The following MBNL2 variants were observed in gnomAD, a reference collection of about 807,000 sequenced individuals.
MBNL2 encodes muscleblind like splicing regulator 2.
In MBNL2, 17 loss-of-function variants were observed where a neutral mutation model predicts 41.9. The ratio of observed to expected loss-of-function variants is 0.41; its 90% CI spans 0.28 to 0.61. The LOEUF is 0.61. Among genes scored for constraint, MBNL2 ranks in the 20% least tolerant of loss-of-function variants. MBNL2 has a pLI of 0.35. For synonymous variants in MBNL2, 195 were observed against 182.9 expected (o/e 1.07, Z -0.53); for missense variants, 336 against 505.6 (o/e 0.66, Z 3.22).
At chr13:97,166,915 C>T in the MBNL2 span, among the ~76,000 whole-genome samples, 1 of 151,918 alleles carries the variant, frequency 6.6e-6, no homozygotes. Flanking sequence ...CAGTTCTTTC[C>T]AATTCTGGGT....
chr13:97,288,049 C>T (rs1323077404), intron 2 of MBNL2, among the ~76,000 whole-genome samples: 2 of 151,148 alleles, frequency 1.3e-5, no homozygotes, highest in Non-Finnish European at 2.9e-5. Context: ...GCTGGGATTA[C>T]AGCCATGAGC....
intron 1 of MBNL2, among the ~76,000 whole-genome samples, chr13:97,274,019 C>T (rs373942236): frequency 6.7e-4 from 102 of 152,154 alleles, no homozygotes; most frequent in African/African-American, 2.3e-3. Context: ...CAAGATCACA[C>T]CACTGCACTC....
At chr13:97,177,900 T>C in the MBNL2 span, among the ~76,000 whole-genome samples, 1 of 152,194 alleles carries the variant, frequency 6.6e-6, no homozygotes, top group Admixed American at 6.5e-5. Flanking sequence ...TAGAAAATGA[T>C]TTTCCACCTA....
At chr13:97,181,470 T>A in the MBNL2 span, among the ~76,000 whole-genome samples, 1 of 152,146 alleles carries the variant, frequency 6.6e-6, no homozygotes, top group Non-Finnish European at 1.5e-5. Context: ...CATAGGGAGA[T>A]TTAATGGATG....
chr13:97,367,768 G>A (rs1294944648), intron 8 of MBNL2, among the ~76,000 whole-genome samples: 1 of 152,158 alleles, frequency 6.6e-6, no homozygotes, highest in African/African-American at 2.4e-5. Context: ...TGCAGAGGCA[G>A]GTGTCAATCA....
At chr13:97,189,887 C>T in the MBNL2 span, among the ~76,000 whole-genome samples, 1 of 152,248 alleles carries the variant, frequency 6.6e-6, no homozygotes, top group South Asian at 2.1e-4. Flanking sequence ...GCATGTGCAG[C>T]TGGTGACTCT....
At position 97,366,394 on chromosome 13, in the gene MBNL2, A is replaced by G; in HGVS notation, c.1048+1223A>G. ...GCTCTGATATTCACCATGCCAAAAT[A>G]CCACTTCTATTACCATAATGCTACA... On this transcript the variant is annotated intron_variant, in intron 8 of 8. Coordinates refer to ENST00000679496, the MANE Select transcript of MBNL2 (RefSeq NM_001382683.1). This position sits in a 1 kb window ranked among gnomAD's most constrained non-coding sequence, Gnocchi z 4.7. 1.3e-6 allele frequency: 1 copy of G among 777,318 alleles called. No homozygotes were observed. Among genetic ancestry groups the G allele is most frequent in the Non-Finnish European group, 2.2e-6 (1 of 446,700 alleles). The allele number at this position is 777,318 out of a possible 1,614,324, so 48.2% of individuals were successfully genotyped here.
At chr13:97,387,589 T>C (rs2066027265) in intron 8 of MBNL2, among the ~76,000 whole-genome samples, 2 of 152,216 alleles carry the variant, frequency 1.3e-5, no homozygotes, top group South Asian at 4.1e-4. Flanking sequence ...GGCACAGCCA[T>C]GCTCTTTGGA....
chr13:97,305,631 G>A (rs1279983007), intron 2 of MBNL2, among the ~76,000 whole-genome samples: 3 of 152,006 alleles, frequency 2.0e-5, no homozygotes, highest in African/African-American at 7.2e-5. Flanking sequence ...TGGATGTGGT[G>A]GCACGCACTT....
At chr13:97,189,551 A>G in the MBNL2 span, among the ~76,000 whole-genome samples, 1 of 152,228 alleles carries the variant, frequency 6.6e-6, no homozygotes, top group Non-Finnish European at 1.5e-5. Flanking sequence ...CATCTGTACA[A>G]ATGCATATGC....
intron 7 of MBNL2, among the ~76,000 whole-genome samples, chr13:97,360,677 C>T (rs995614809): frequency 3.9e-5 from 6 of 152,220 alleles, no homozygotes; most frequent in Non-Finnish European, 8.8e-5. Context: ...TGTGTCTACA[C>T]CGCAAAGTGG....
intron 8 of MBNL2, among the ~76,000 whole-genome samples, chr13:97,368,532 AG>A (rs2064061589): frequency 6.6e-6 from 1 of 152,258 alleles, no homozygotes. Context: ...TTTTTAAGAA[AG>A]GAAAAGAAGC....
chr13:97,275,510 TACTCAAA>T (rs1210219988), intron 1 of MBNL2, 115 bp from the exon 2 acceptor site: 2 of 152,234 alleles, frequency 1.3e-5, no homozygotes, highest in Non-Finnish European at 2.9e-5. Context: ...TTTCTCACTA[TACTCAAA>T]GCTCAAAGCT....
intron 5 of MBNL2, among the ~76,000 whole-genome samples, chr13:97,347,412 C>T (rs997338107): frequency 8.5e-5 from 13 of 152,208 alleles, no homozygotes; most frequent in Middle Eastern, 3.4e-3. Flanking sequence ...GGCACCGCTT[C>T]GGAGAGGGGA....
chr13:97,258,552 T>A (rs985062763), intron 1 of MBNL2, among the ~76,000 whole-genome samples: 1 of 152,220 alleles, frequency 6.6e-6, no homozygotes, highest in African/African-American at 2.4e-5. Flanking sequence ...TTATATTTTG[T>A]TAAATATTAA....
chr13:97,182,553 T>C, the MBNL2 span, among the ~76,000 whole-genome samples: 1 of 152,304 alleles, frequency 6.6e-6, no homozygotes, highest in South Asian at 2.1e-4. Flanking sequence ...AGAGGAGACA[T>C]GGACATCACT....
At chr13:97,371,019 A>C (rs142818098) in intron 8 of MBNL2, among the ~76,000 whole-genome samples, 74 of 152,348 alleles carry the variant, frequency 4.9e-4, no homozygotes, top group African/African-American at 1.7e-3. Context: ...TAGAGTGTAC[A>C]TTAGAAGAGG....
At chr13:97,290,919 G>T (rs924389501) in intron 2 of MBNL2, among the ~76,000 whole-genome samples, 38 of 150,602 alleles carry the variant, frequency 2.5e-4, no homozygotes, top group Admixed American at 2.0e-4. Context: ...AGGGGAAAAA[G>T]CTCTAAGCCT....
At chr13:97,203,891 TGGA>T in the MBNL2 span, among the ~76,000 whole-genome samples, 1 of 151,754 alleles carries the variant, frequency 6.6e-6, no homozygotes, top group Non-Finnish European at 1.5e-5. Context: ...GATGGATGGA[TGGA>T]TGGATGGATG....
Sources: allele counts gnomAD v4.1 joint callset (sites outside exome capture counted in the v4.1 genomes callset), GRCh38; gene constraint gnomAD v4.1.1; non-coding constraint Gnocchi (gnomAD v3.1); transcripts MANE v1.5; gene names NCBI Gene and HGNC (gene_info 2026-07-23, HGNC 2026-07-21).